The following DIAPH2 variants were observed in gnomAD, a reference collection of about 807,000 sequenced individuals.
DIAPH2 encodes the protein protein diaphanous homolog 2.
Under a neutral mutation model 92.7 loss-of-function variants are expected in DIAPH2, and 35 were observed. The ratio of observed to expected loss-of-function variants is 0.38; its 90% confidence interval spans 0.29 to 0.50. The LOEUF (loss-of-function observed/expected upper bound fraction) is 0.50. DIAPH2 is among the 20% of genes least tolerant of loss of function. The pLI is 0.94. For synonymous variants in DIAPH2, 301 were observed against 280.4 expected, an observed-to-expected ratio of 1.07 and a Z score of -0.73; for missense variants, 701 against 819.5, an observed-to-expected ratio of 0.86 and a Z score of 1.77.
chrX:96,880,048 G>A (rs1375962597), intron 4 of DIAPH2, among the ~76,000 whole-genome samples: 7 of 111,716 alleles, frequency 6.3e-5, no homozygotes, highest in Non-Finnish European at 9.4e-5. Flanking sequence ...TATTTTTAAC[G>A]TCTACTGTGT....
chrX:97,469,995 A>G (rs1371310080), intron 26 of DIAPH2, among the ~76,000 whole-genome samples: 1 of 112,312 alleles, frequency 8.9e-6, no homozygotes, highest in Non-Finnish European at 1.9e-5. Flanking sequence ...TCTACAATGA[A>G]TATTTCTAGC....
At position 97,604,359 on chromosome X, in the gene DIAPH2, A is replaced by G. The variant is rs1341564884; in HGVS notation, c.*5042A>G. On this transcript the variant is annotated 3_prime_UTR_variant, in exon 27 of 27. Coordinates refer to ENST00000324765, the MANE Select transcript of DIAPH2 (RefSeq NM_006729.5). The stretch of plus-strand genomic sequence containing the variant: ...GGACCTTTTTTCCAAATAAGGTACT[A>G]TCACAGGTTCCAGGGAGTAGGATAT... 2 of 112,365 alleles carry G rather than the reference A, an allele frequency of 1.8e-5. No individual in the cohort carries two copies. The highest frequency in any genetic ancestry group is 3.8e-5 in the Non-Finnish European group (2 of 53,231). 9.3% of individuals were successfully genotyped at this position (112,365 alleles called of 1,213,427 possible).
chrX:97,208,854 A>G (rs1416068420), intron 22 of DIAPH2, among the ~76,000 whole-genome samples: 2 of 110,696 alleles, frequency 1.8e-5, no homozygotes, highest in Non-Finnish European at 3.8e-5. Context: ...CAGTAATGTA[A>G]GGCAGCGGTG....
At chrX:96,939,599 T>TACACAC (rs770177584) in intron 12 of DIAPH2, among the ~76,000 whole-genome samples, 1 of 50,850 alleles carries the variant, frequency 2.0e-5, no homozygotes, top group Non-Finnish European at 4.4e-5. Flanking sequence ...TGTGTGTGTA[T>TACACAC]ATACACACAC....
intron 23 of DIAPH2, among the ~76,000 whole-genome samples, chrX:97,288,755 A>C (rs914226632): frequency 9.2e-6 from 1 of 109,119 alleles, no homozygotes; most frequent in African/African-American, 3.3e-5. Context: ...AAAAAAAAAA[A>C]AACACCGATT....
At chrX:96,843,551 A>G (rs920614021) in intron 4 of DIAPH2, among the ~76,000 whole-genome samples, 4 of 111,426 alleles carry the variant, frequency 3.6e-5, no homozygotes, top group Non-Finnish European at 7.5e-5. Context: ...CTGTTGTAGG[A>G]AAAGCTGGGT....
intron 21 of DIAPH2, among the ~76,000 whole-genome samples, chrX:97,136,416 G>C (rs1299162500): frequency 1.8e-5 from 2 of 111,751 alleles, no homozygotes; most frequent in African/African-American, 6.5e-5. Context: ...TAGGGTCAAG[G>C]TTCGGACCTG....
At chrX:96,763,992 C>T (rs1393804351) in intron 4 of DIAPH2, among the ~76,000 whole-genome samples, 1 of 104,417 alleles carries the variant, frequency 9.6e-6, no homozygotes, top group African/African-American at 3.5e-5. Flanking sequence ...TTTAAATTCA[C>T]GAGACATCTA....
At chrX:96,960,971 T>C (rs1382710824) in intron 16 of DIAPH2, among the ~76,000 whole-genome samples, 2 of 111,978 alleles carry the variant, frequency 1.8e-5, no homozygotes, top group African/African-American at 6.5e-5. Flanking sequence ...TGTATTATCT[T>C]TTGGATGTGC....
In DIAPH2 at chrX:97,301,246, C is replaced by A. The variant is rs777275409; in HGVS notation, c.2845-46870C>A. On this transcript the variant is annotated intron_variant, in intron 23 of 26. Coordinates refer to ENST00000324765, the MANE Select transcript of DIAPH2 (RefSeq NM_006729.5). The stretch of plus-strand genomic sequence containing the variant: ...CGTTTGATGTCCTCATTGTGTTCAG[C>A]AAGCTAAGATGTATATGTACAGTTA... Among the ~76,000 whole-genome samples the A allele has an allele frequency of 1.0e-4, 11 of 109,415 alleles. No homozygotes were observed. In the South Asian group the frequency reaches 4.3e-3, roughly 43 times the overall value.
intron 26 of DIAPH2, among the ~76,000 whole-genome samples, chrX:97,569,504 G>A (rs1348870232): frequency 1.3e-4 from 14 of 111,621 alleles, no homozygotes; most frequent in South Asian, 7.5e-4. Context: ...ACATAATTGC[G>A]TTCAGTTCTT....
intron 26 of DIAPH2, among the ~76,000 whole-genome samples, chrX:97,576,272 T>A (rs1429065006): frequency 9.0e-6 from 1 of 111,526 alleles, no homozygotes; most frequent in East Asian, 2.8e-4. Flanking sequence ...CAGACTGCAG[T>A]CAGACACATT....
chrX:97,070,697 G>A (rs1324423889), intron 17 of DIAPH2, among the ~76,000 whole-genome samples: 1 of 111,620 alleles, frequency 9.0e-6, no homozygotes. Flanking sequence ...GTGATTCTCA[G>A]AAAAGCAGTG....
intron 4 of DIAPH2, among the ~76,000 whole-genome samples, chrX:96,815,676 T>C (rs755060895): frequency 9.0e-6 from 1 of 111,300 alleles, no homozygotes; most frequent in East Asian, 2.9e-4. Context: ...TCTGTTTTTT[T>C]CTTTTTTTTG....
intron 19 of DIAPH2, among the ~76,000 whole-genome samples, chrX:97,087,473 C>T (rs557240687): frequency 1.2e-3 from 134 of 111,146 alleles, no homozygotes; most frequent in South Asian, 1.9e-3. Flanking sequence ...TACTCTTCGG[C>T]GGTTTATACT....
intron 21 of DIAPH2, among the ~76,000 whole-genome samples, chrX:97,141,197 C>T (rs982234466): frequency 9.0e-6 from 1 of 110,500 alleles, no homozygotes; most frequent in Non-Finnish European, 1.9e-5. Context: ...ATGGTCCATG[C>T]AAGTAGAGGA....
chrX:97,387,856 T>A (rs890468293), intron 25 of DIAPH2, among the ~76,000 whole-genome samples: 3 of 111,641 alleles, frequency 2.7e-5, no homozygotes, highest in Non-Finnish European at 5.6e-5. Flanking sequence ...AACTCAGGAA[T>A]AGAGCACATT....
chrX:97,181,712 G>A (rs1033739184), intron 22 of DIAPH2, among the ~76,000 whole-genome samples: 1 of 112,546 alleles, frequency 8.9e-6, no homozygotes, highest in African/African-American at 3.2e-5. Flanking sequence ...GCCCGGCCTA[G>A]AGTGTGTGTT....
chrX:97,253,010 C>T (rs957682952), intron 23 of DIAPH2, among the ~76,000 whole-genome samples: 1 of 111,313 alleles, frequency 9.0e-6, no homozygotes, highest in Non-Finnish European at 1.9e-5. Context: ...CAAGGGGGGC[C>T]GGGTGCAATG....
Sources: gnomAD v4.1 joint callset for allele counts (sites outside exome capture counted in the v4.1 genomes callset) on GRCh38, gnomAD v4.1.1 for gene constraint, MANE v1.5 for transcripts, NCBI Gene and HGNC (gene_info 2026-07-23, HGNC 2026-07-21) for gene names.